The following TRIM21 variants were observed in gnomAD, a reference collection of about 807,000 sequenced individuals.
The protein encoded by TRIM21 is E3 ubiquitin-protein ligase TRIM21.
In TRIM21, 35 loss-of-function variants were observed where a neutral mutation model predicts 36.1. That is an observed-to-expected ratio of 0.97 (90% CI 0.74 to 1.28). The LOEUF is 1.28. Ranked by LOEUF, TRIM21 falls within the 50% of genes most tolerant of loss-of-function variation. The pLI, the probability that TRIM21 is intolerant of heterozygous loss-of-function variation, is 0.00. For missense variants in TRIM21, 635 were observed against 570.7 expected, an observed-to-expected ratio of 1.11 and a Z score of -1.15; for synonymous variants, 256 against 211.5, an observed-to-expected ratio of 1.21 and a Z score of -1.83.
chr11:4,392,295 G>C (rs573034869), intron 1 of TRIM21, among the ~76,000 whole-genome samples: 14 of 152,200 alleles, frequency 9.2e-5, no homozygotes, highest in African/African-American at 3.4e-4. Flanking sequence ...GGTCAGGCAC[G>C]GTGGCTCACA....
At position 4,384,992 on chromosome 11, in the gene TRIM21, A is replaced by G. The variant is rs1352827785; in HGVS notation, c.*293T>C. ...TCTCACCAAAGACGACATCCTAGAG[A>G]TGGAGAGGAGAAAAAAAAAACTTAA... On this transcript the variant is annotated 3_prime_UTR_variant, in exon 7 of 7. Coordinates refer to ENST00000254436, the MANE Select transcript of TRIM21 (RefSeq NM_003141.4). 5.6e-6 allele frequency: 2 copies of G among 358,874 alleles called. No individual in the cohort carries two copies. The highest frequency in any genetic ancestry group is 4.3e-5 in the Admixed American group (1 of 23,372). 22.2% of individuals were successfully genotyped at this position (358,874 alleles called of 1,614,324 possible). A position where few individuals can be genotyped will look rare whatever the true frequency, so the allele number is the denominator to read the frequency against.
intron 1 of TRIM21, among the ~76,000 whole-genome samples, chr11:4,390,880 G>C (rs542594351): frequency 6.6e-6 from 1 of 152,108 alleles, no homozygotes; most frequent in Non-Finnish European, 1.5e-5. Context: ...ACATGCAGAA[G>C]AATGAAACTA....
At chr11:4,388,614 T>C (rs145064089) in intron 3 of TRIM21, 84 bp from the exon 4 acceptor site, 10 of 1,328,166 alleles carry the variant, frequency 7.5e-6, no homozygotes, top group Non-Finnish European at 1.1e-5. Flanking sequence ...CCTATTCCTA[T>C]CCCCAAGAGA....
At position 4,388,493 on chromosome 11, in the gene TRIM21, T is replaced by C. The variant is rs767901426; in HGVS notation, c.542A>G (p.Glu181Gly). ...CAGGAAGTTTTTTTGCTGCACAAACTCTGCGTGAATCCTAGATTTCTGTGT... is the reference window on the plus strand; with the variant it reads ...CAGGAAGTTTTTTTGCTGCACAAACCCTGCGTGAATCCTAGATTTCTGTGT... ...VETQKSRIHA[E>G]FVQQKNFLVE... Residue 181 changes from glutamate to glycine, a missense_variant, in exon 4 of 7, where the codon GAG (glutamate) becomes GGG (glycine). Physicochemically the swap from Glu to Gly is moderately conservative, Grantham distance 98. Coordinates refer to ENST00000254436, the MANE Select transcript of TRIM21 (RefSeq NM_003141.4). 1 of 1,611,918 alleles carries C rather than the reference T, an allele frequency of 6.2e-7. No individual in the cohort carries two copies. Among genetic ancestry groups the C allele is most frequent in the Admixed American group, 1.7e-5 (1 of 60,026 alleles).
chr11:4,387,679 A>G (rs2094957974), intron 4 of TRIM21, among the ~76,000 whole-genome samples: 2 of 152,050 alleles, frequency 1.3e-5, no homozygotes. Flanking sequence ...AACATGGAGA[A>G]ATCCCATCTC....
chr11:4,388,427 T>G lies in TRIM21; in HGVS notation c.608A>C (p.Asp203Ala), dbSNP rs771600665. ...EQRQLQELEKDEREQLRILGE... is the reference protein window; with the variant it reads ...EQRQLQELEKAEREQLRILGE... ...CAGGATTCTCAGCTGCTCCCTCTCA[T>G]CCTTCTCCAGCTCCTGCAGCTGCCT... Residue 203 changes from aspartate to alanine, a missense_variant, in exon 4 of 7, where the codon GAT (aspartate) becomes GCT (alanine). Physicochemically the swap from Asp to Ala is moderately radical, Grantham distance 126. Coordinates refer to ENST00000254436, the MANE Select transcript of TRIM21 (RefSeq NM_003141.4). The G allele has an allele frequency of 1.2e-6, 2 of 1,613,940 alleles. No homozygotes were observed. Among genetic ancestry groups the G allele is most frequent in the Non-Finnish European group, 1.7e-6 (2 of 1,179,890 alleles).
chr11:4,391,941 G>T (rs924603056), intron 1 of TRIM21, among the ~76,000 whole-genome samples: 2 of 152,060 alleles, frequency 1.3e-5, no homozygotes, highest in Non-Finnish European at 2.9e-5. Context: ...AGAGTAATAG[G>T]GAGGGTCTGT....
chr11:4,388,492 C>T lies in TRIM21; in HGVS notation c.543G>A (p.Glu181=), dbSNP rs762386840. The T allele has an allele frequency of 5.6e-6, 9 of 1,612,076 alleles. No individual in the cohort carries two copies. Among genetic ancestry groups the T allele is most frequent in the African/African-American group, 4.0e-5 (3 of 74,902 alleles). The change falls in exon 4 of 7, where the codon GAG becomes GAA. Residue 181 remains glutamate (E), a synonymous_variant. Transcript: ENST00000254436. The stretch of plus-strand genomic sequence containing the variant: ...CCAGGAAGTTTTTTTGCTGCACAAA[C>T]TCTGCGTGAATCCTAGATTTCTGTG... ...VETQKSRIHA[E]FVQQKNFLVE...
In TRIM21 at chr11:4,385,534, G is replaced by T; in HGVS notation, c.1179C>A (p.Tyr393Ter). The stretch of plus-strand genomic sequence containing the variant: ...CCTGAAGGTGGAGGGGAGTCTGGGG[G>T]TAGGTGCCAGCCTCATATTTTTGTT... ...WNKQKYEAGT[Y>*]PQTPLHLQVP... The change falls in exon 7 of 7, where the codon TAC (tyrosine) becomes TAA (stop). Residue 393 changes from tyrosine to a stop codon, truncating the protein, a stop_gained. Transcript: ENST00000254436. LOFTEE classifies it low-confidence loss of function (END_TRUNC). 1 of 1,611,840 alleles carries T rather than the reference G, an allele frequency of 6.2e-7. No individual in the cohort carries two copies. Among genetic ancestry groups the T allele is most frequent in the Non-Finnish European group, 8.5e-7 (1 of 1,178,980 alleles).
intron 4 of TRIM21, 94 bp downstream of exon 4, chr11:4,388,206 C>T: frequency 9.4e-7 from 1 of 1,069,102 alleles, no homozygotes; most frequent in Non-Finnish European, 1.3e-6. Context: ...ATTCCAGGGA[C>T]CAGGTGTCCA....
intron 6 of TRIM21, 36 bp from the exon 7 acceptor site, chr11:4,385,889 G>C (rs1202429987): frequency 3.2e-6 from 5 of 1,555,240 alleles, no homozygotes; most frequent in African/African-American, 1.4e-5. Context: ...CCTTGCATGG[G>C]GGGAGTTCAC....
In TRIM21 at chr11:4,391,694, T is replaced by C. The variant is rs180986519; in HGVS notation, c.-49-1236A>G. ...CAATCTAAGAGTCCATCAACAGATA[T>C]ATGGATAAAGAAAATGTGGTATGTA... On this transcript the variant is annotated intron_variant, in intron 1 of 6. Transcript: ENST00000254436. Among the ~76,000 whole-genome samples, 6 of 152,282 alleles carry C rather than the reference T, an allele frequency of 3.9e-5. No homozygotes were observed. In the East Asian group the frequency reaches 7.7e-4, roughly 20 times the overall value.
rs758420100 is a variant in TRIM21 at position 4,388,553 on chromosome 11, G to A, written c.505-23C>T. The A allele has an allele frequency of 3.1e-6, 5 of 1,598,742 alleles. No homozygotes were observed. In the South Asian group the frequency reaches 5.5e-5, roughly 18 times the overall value. On this transcript the variant is annotated intron_variant, in intron 3 of 6. Coordinates refer to ENST00000254436, the MANE Select transcript of TRIM21 (RefSeq NM_003141.4). ...TTTCTTTAGTGTCAAGGGAAAGGGA[G>A]AGGTGGTTTTTATGAAAATCTCCCA...
intron 4 of TRIM21, 66 bp downstream of exon 4, chr11:4,388,234 T>C (rs1179418165): frequency 2.1e-5 from 29 of 1,368,932 alleles, no homozygotes; most frequent in Non-Finnish European, 2.8e-5. Flanking sequence ...AAATGGCAGT[T>C]CCAGATAGCT....
chr11:4,390,456 T>C lies in TRIM21; in HGVS notation c.-47A>G. 6.5e-7 allele frequency: 1 copy of C among 1,528,018 alleles called. No homozygotes were observed. The allele number at this position is 1,528,018 out of a possible 1,614,324, so 94.7% of individuals were successfully genotyped here. A position where few individuals can be genotyped will look rare whatever the true frequency, so the allele number is the denominator to read the frequency against. ...GCAGTGTGGAGACCTTTAGGGGGTTTGGCTGGGAGAGAAGAAGAAAGGGAA... is the reference window on the plus strand; with the variant it reads ...GCAGTGTGGAGACCTTTAGGGGGTTCGGCTGGGAGAGAAGAAGAAAGGGAA... On this transcript the variant is annotated splice_region_variant and 5_prime_UTR_variant, in exon 2 of 7. Coordinates refer to ENST00000254436, the MANE Select transcript of TRIM21 (RefSeq NM_003141.4).
At position 4,389,644 on chromosome 11, in the gene TRIM21, T is replaced by C. The variant is rs1410966990; in HGVS notation, c.504+10A>G. The C allele has an allele frequency of 1.2e-6, 2 of 1,611,912 alleles. No homozygotes were observed. Among genetic ancestry groups the C allele is most frequent in the Non-Finnish European group, 1.7e-6 (2 of 1,178,146 alleles). ...CCAGCCTAAGATCTCCTTCAGGATG[T>C]CATTCTTACCTTCCAGTCTGCTCTC... On this transcript the variant is annotated intron_variant, in intron 3 of 6. Coordinates refer to ENST00000254436, the MANE Select transcript of TRIM21 (RefSeq NM_003141.4).
In TRIM21 at chr11:4,385,314, T is replaced by C; in HGVS notation, c.1399A>G (p.Ile467Val). Residue 467 changes from isoleucine to valine, a missense_variant, in exon 7 of 7, where the codon ATT becomes GTT. Ile to Val is a conservative substitution (Grantham distance 29). Coordinates refer to ENST00000254436, the MANE Select transcript of TRIM21 (RefSeq NM_003141.4). ...TAGTCAGTGGATCCTTGTGATCCAA[T>C]ATTCAGTGGACAGAGGGTTAGAGGG... ...TAPLTLCPLN[I>V]GSQGSTDY is the part of the protein sequence containing the mutation. The C allele has an allele frequency of 1.9e-6, 3 of 1,612,894 alleles. No individual in the cohort carries two copies. The highest frequency in any genetic ancestry group is 2.5e-6 in the Non-Finnish European group (3 of 1,179,742).
chr11:4,389,146 C>G (rs569078364), intron 3 of TRIM21, among the ~76,000 whole-genome samples: 1 of 152,274 alleles, frequency 6.6e-6, no homozygotes, highest in South Asian at 2.1e-4. Context: ...CCCTGACATG[C>G]CCCACCTCTC....
intron 6 of TRIM21, 70 bp from the exon 7 acceptor site, chr11:4,385,923 G>A (rs879026634): frequency 6.3e-6 from 9 of 1,426,126 alleles, no homozygotes; most frequent in Middle Eastern, 2.2e-4. Flanking sequence ...GTGGTGGGGG[G>A]ATTTTGTGTA....
Sources: gnomAD v4.1 joint callset for allele counts (sites outside exome capture counted in the v4.1 genomes callset) on GRCh38, gnomAD v4.1.1 for gene constraint, MANE v1.5 for transcripts, NCBI Gene and HGNC (gene_info 2026-07-23, HGNC 2026-07-21) for gene names.